NALF1: variants seen among roughly 807,000 people sequenced by gnomAD.
The protein encoded by NALF1 is family with sequence similarity 155 member A.
In NALF1, 3 loss-of-function variants were observed where a neutral mutation model predicts 48.4. The observed-to-expected ratio is 0.06, with a 90% confidence interval of 0.03 to 0.16. The LOEUF (loss-of-function observed/expected upper bound fraction) is 0.16, where lower values mean the gene tolerates loss of function less well. Among genes scored for constraint, NALF1 ranks in the 10% least tolerant of loss-of-function variants. The pLI is 1.00. For missense variants in NALF1, 526 were observed against 571.5 expected (o/e 0.92, Z 0.81); for synonymous variants, 262 against 245.7 (o/e 1.07, Z -0.62).
intron 1 of NALF1, among the ~76,000 whole-genome samples, chr13:107,424,690 T>C (rs188959988): frequency 1.8e-4 from 27 of 152,306 alleles, no homozygotes; most frequent in African/African-American, 5.5e-4. Flanking sequence ...TGGTGGAGAA[T>C]ACTGGCTAAC....
At chr13:107,315,188 A>G (rs1265157046) in intron 1 of NALF1, among the ~76,000 whole-genome samples, 4 of 152,066 alleles carry the variant, frequency 2.6e-5, no homozygotes, top group Admixed American at 2.0e-4. Flanking sequence ...AAAGAATTCT[A>G]CTACCTTTCA....
intron 1 of NALF1, among the ~76,000 whole-genome samples, chr13:107,746,056 G>C (rs1422311732): frequency 2.0e-5 from 3 of 152,154 alleles, no homozygotes; most frequent in Non-Finnish European, 4.4e-5. Flanking sequence ...ATAGCAAAAA[G>C]TATCTTCTAC....
At chr13:107,540,492 T>C (rs1309351079) in intron 1 of NALF1, among the ~76,000 whole-genome samples, 1 of 152,042 alleles carries the variant, frequency 6.6e-6, no homozygotes, top group Non-Finnish European at 1.5e-5. Context: ...CTAAAGTAAA[T>C]ATTTTATATG....
chr13:107,374,640 C>T (rs1363319448), intron 1 of NALF1, among the ~76,000 whole-genome samples: 1 of 152,106 alleles, frequency 6.6e-6, no homozygotes, highest in Non-Finnish European at 1.5e-5. Context: ...GTTTCACTAG[C>T]AATACCACGA....
At chr13:107,857,321 T>C (rs953044399) in intron 1 of NALF1, among the ~76,000 whole-genome samples, 12 of 152,102 alleles carry the variant, frequency 7.9e-5, no homozygotes, top group African/African-American at 2.9e-4. Flanking sequence ...CAACCAACCA[T>C]AACAGAATAC....
At chr13:107,558,852 C>T (rs1463843923) in intron 1 of NALF1, among the ~76,000 whole-genome samples, 2 of 152,086 alleles carry the variant, frequency 1.3e-5, no homozygotes, top group East Asian at 3.9e-4. Flanking sequence ...GCTCTCTTTC[C>T]TCTTGAGCTG....
At chr13:107,191,466 T>A (rs1879278650) in intron 2 of NALF1, among the ~76,000 whole-genome samples, 1 of 152,168 alleles carries the variant, frequency 6.6e-6, no homozygotes, top group Non-Finnish European at 1.5e-5. Context: ...AAAAAATATA[T>A]CTGAAAGTCT....
At chr13:107,344,037 G>A (rs1325823524) in intron 1 of NALF1, among the ~76,000 whole-genome samples, 1 of 151,974 alleles carries the variant, frequency 6.6e-6, no homozygotes, top group Admixed American at 6.6e-5. Flanking sequence ...GCCAAAAAAG[G>A]AGATAATAAG....
intron 1 of NALF1, among the ~76,000 whole-genome samples, chr13:107,580,996 G>T (rs1311677843): frequency 1.3e-5 from 2 of 152,090 alleles, no homozygotes; most frequent in Admixed American, 1.3e-4. Flanking sequence ...GGAGACCAGA[G>T]AAAAATAGTC....
chr13:107,758,936 C>G lies in NALF1; in HGVS notation c.915+106746G>C, dbSNP rs1466509898. On this transcript the variant is annotated intron_variant, in intron 1 of 2. Coordinates refer to ENST00000375915, the MANE Select transcript of NALF1 (RefSeq NM_001080396.3). ...CCCTACCTCCAAATGATAAGACTTT[C>G]TGAAGCCAAGCTAGATGATCTAAGC... Among the ~76,000 whole-genome samples the G allele has an allele frequency of 2.0e-5, 3 of 152,244 alleles. No individual in the cohort carries two copies. The South Asian group carries it at 6.2e-4, about 32-fold the overall frequency.
At chr13:107,597,040 G>C (rs148841853) in intron 1 of NALF1, among the ~76,000 whole-genome samples, 1 of 152,106 alleles carries the variant, frequency 6.6e-6, no homozygotes, top group Non-Finnish European at 1.5e-5. Context: ...TTTTCTATTT[G>C]CTTGAGACAT....
At chr13:107,463,432 A>C (rs1056011481) in intron 1 of NALF1, among the ~76,000 whole-genome samples, 1 of 152,198 alleles carries the variant, frequency 6.6e-6, no homozygotes, top group Non-Finnish European at 1.5e-5. Context: ...ATAGAGAGGA[A>C]GGAAAGGATG....
intron 1 of NALF1, among the ~76,000 whole-genome samples, chr13:107,636,813 TA>T (rs1248682508): frequency 9.3e-5 from 14 of 151,306 alleles, no homozygotes; most frequent in African/African-American, 3.4e-4. Context: ...TAAAAGTACA[TA>T]ATATATGAGG....
At chr13:107,458,476 T>C (rs1481577115) in intron 1 of NALF1, among the ~76,000 whole-genome samples, 1 of 152,152 alleles carries the variant, frequency 6.6e-6, no homozygotes, top group Non-Finnish European at 1.5e-5. Context: ...TGCCCAGTAA[T>C]GGCCATGAGA....
intron 1 of NALF1, among the ~76,000 whole-genome samples, chr13:107,565,350 A>T (rs575729022): frequency 6.9e-6 from 1 of 143,948 alleles, no homozygotes; most frequent in South Asian, 2.2e-4. Context: ...GTGCCACTGC[A>T]CTCCAGTCTG....
At chr13:107,287,745 G>T (rs938091854) in intron 1 of NALF1, among the ~76,000 whole-genome samples, 1 of 108,412 alleles carries the variant, frequency 9.2e-6, no homozygotes, top group East Asian at 2.4e-4. Context: ...TTGTTTTGTC[G>T]CCCAGGCTGG....
chr13:107,367,829 C>G (rs1177735976), intron 1 of NALF1, among the ~76,000 whole-genome samples: 3 of 152,156 alleles, frequency 2.0e-5, no homozygotes, highest in Non-Finnish European at 4.4e-5. Context: ...AGGATGGAGT[C>G]TAGGGAACTC....
intron 1 of NALF1, among the ~76,000 whole-genome samples, chr13:107,724,583 A>G (rs552094155): frequency 3.6e-5 from 5 of 137,898 alleles, no homozygotes; most frequent in African/African-American, 1.3e-4. Flanking sequence ...CGTTTTTGAG[A>G]CAGGGTCTCA....
Position 107,406,109 on chromosome 13 carries a change from T to C in NALF1, c.916-195354A>G, listed in dbSNP as rs1302827645. On this transcript the variant is annotated intron_variant, in intron 1 of 2. Transcript: ENST00000375915. ...GCTATCCAACCAACCAACACATCAT[T>C]TAGGATACAACAAACACATCTAGGA... Among the ~76,000 whole-genome samples, 3 of 152,008 alleles carry C rather than the reference T, an allele frequency of 2.0e-5. No homozygotes were observed. In the East Asian group the frequency reaches 5.8e-4, roughly 29 times the overall value.
Sources: allele counts gnomAD v4.1 joint callset (sites outside exome capture counted in the v4.1 genomes callset), GRCh38; gene constraint gnomAD v4.1.1; transcripts MANE v1.5; gene names NCBI Gene and HGNC (gene_info 2026-07-23, HGNC 2026-07-21).